DLG2: variants seen among roughly 807,000 people sequenced by gnomAD.
DLG2 encodes the protein disks large homolog 2.
Under a neutral mutation model 132.5 loss-of-function variants are expected in DLG2, and 45 were observed. The ratio of observed to expected loss-of-function variants is 0.34; its 90% CI spans 0.27 to 0.44. The LOEUF is 0.44. Among genes scored for constraint, DLG2 ranks in the 20% least tolerant of loss-of-function variants. The pLI is 1.00. For missense variants in DLG2, 1,045 were observed against 1,196.9 expected, an observed-to-expected ratio of 0.87 and a Z score of 1.87; for synonymous variants, 424 against 419.6, an observed-to-expected ratio of 1.01 and a Z score of -0.13.
At chr11:84,716,432 C>T (rs1377704346) in intron 6 of DLG2, among the ~76,000 whole-genome samples, 2 of 151,988 alleles carry the variant, frequency 1.3e-5, no homozygotes, top group Admixed American at 1.3e-4. Flanking sequence ...AAGGGAGACA[C>T]ACACACATGG....
chr11:84,475,717 A>G (rs567590344), intron 7 of DLG2, among the ~76,000 whole-genome samples: 1 of 152,242 alleles, frequency 6.6e-6, no homozygotes, highest in Admixed American at 6.5e-5. Flanking sequence ...TTGTATACAA[A>G]CAACTAGTGT....
chr11:84,200,694 A>G (rs1245138953), intron 8 of DLG2, among the ~76,000 whole-genome samples: 1 of 151,784 alleles, frequency 6.6e-6, no homozygotes, highest in Non-Finnish European at 1.5e-5. Context: ...TAGGTATTTT[A>G]TTCTTTTTGT....
chr11:83,770,116 G>C (rs1321773958), intron 18 of DLG2, among the ~76,000 whole-genome samples: 1 of 152,078 alleles, frequency 6.6e-6, no homozygotes, highest in Admixed American at 6.6e-5. Context: ...GGCTGTGTGG[G>C]TAAATGCTTT....
At chr11:85,015,988 A>G (rs2059546159) in intron 6 of DLG2, among the ~76,000 whole-genome samples, 1 of 152,130 alleles carries the variant, frequency 6.6e-6, no homozygotes, top group Admixed American at 6.6e-5. Context: ...AAAAGTCAAT[A>G]TTTGAAAACT....
chr11:84,998,011 T>G (rs1220416639), intron 6 of DLG2, among the ~76,000 whole-genome samples: 3 of 152,210 alleles, frequency 2.0e-5, no homozygotes, highest in Admixed American at 2.0e-4. Context: ...CTTTAAAATA[T>G]TAAAGATAAT....
At chr11:85,062,351 A>G (rs546827639) in intron 6 of DLG2, among the ~76,000 whole-genome samples, 171 of 151,928 alleles carry the variant, frequency 1.1e-3, no homozygotes, top group African/African-American at 4.1e-3. Flanking sequence ...ATATAAAAAT[A>G]TTTTATTTGT....
At chr11:84,379,954 A>G (rs1335282705) in intron 7 of DLG2, among the ~76,000 whole-genome samples, 1 of 152,074 alleles carries the variant, frequency 6.6e-6, no homozygotes, top group African/African-American at 2.4e-5. Flanking sequence ...TCAACCCAAA[A>G]GGAAAGGTAG....
At chr11:84,460,022 T>C (rs2099076096) in intron 7 of DLG2, among the ~76,000 whole-genome samples, 2 of 150,720 alleles carry the variant, frequency 1.3e-5, no homozygotes, top group African/African-American at 2.4e-5. Flanking sequence ...TTCTACACTA[T>C]GTCAAATAGT....
At chr11:84,170,333 T>C (rs552956898) in intron 8 of DLG2, among the ~76,000 whole-genome samples, 1 of 152,330 alleles carries the variant, frequency 6.6e-6, no homozygotes, top group South Asian at 2.1e-4. Context: ...TTAAATACAT[T>C]AATACTTAGT....
At chr11:83,558,097 G>T (rs1418692671) in intron 19 of DLG2, among the ~76,000 whole-genome samples, 1 of 152,166 alleles carries the variant, frequency 6.6e-6, no homozygotes, top group Admixed American at 6.5e-5. Flanking sequence ...GTAATTTCTT[G>T]ATAAAGTCAT....
chr11:84,941,838 T>C lies in DLG2; in HGVS notation c.357+169823A>G, dbSNP rs184234183. ...ACTGGTATCAATTCTTTTTCAAATATCTGGTAAAAATTTAGCAGTGAAGAC... is the reference window on the plus strand; with the variant it reads ...ACTGGTATCAATTCTTTTTCAAATACCTGGTAAAAATTTAGCAGTGAAGAC... On this transcript the variant is annotated intron_variant, in intron 6 of 27. Transcript: ENST00000376104. Among the ~76,000 whole-genome samples, 166 of 152,236 alleles carry C rather than the reference T, an allele frequency of 1.1e-3. 2 individuals carry two copies. The highest frequency in any genetic ancestry group is 3.9e-3 in the African/African-American group (163 of 41,566).
intron 4 of DLG2, among the ~76,000 whole-genome samples, chr11:85,188,011 T>C (rs560379607): frequency 9.9e-5 from 15 of 152,244 alleles, no homozygotes; most frequent in Non-Finnish European, 1.9e-4. Context: ...CTTAAAACTG[T>C]TCAGGAGAGA....
At chr11:84,728,197 G>A (rs537883953) in intron 6 of DLG2, among the ~76,000 whole-genome samples, 66 of 152,204 alleles carry the variant, frequency 4.3e-4, no homozygotes, top group African/African-American at 1.5e-3. Context: ...TCCAGTTTTT[G>A]CCCATTTAGT....
intron 6 of DLG2, among the ~76,000 whole-genome samples, chr11:84,810,840 A>G (rs999385934): frequency 2.0e-5 from 3 of 152,202 alleles, no homozygotes; most frequent in Non-Finnish European, 4.4e-5. Context: ...TCTCAAATGT[A>G]TGATGATTTC....
At position 83,946,199 on chromosome 11, in the gene DLG2, A is replaced by G. The variant is rs566053199; in HGVS notation, c.1341-15716T>C. On this transcript the variant is annotated intron_variant, in intron 14 of 27. Coordinates refer to ENST00000376104, the MANE Select transcript of DLG2 (RefSeq NM_001142699.3). ...GAGATGTGGCTTCACCATGTTGGCC[A>G]GGCTCGTCGAACTCCTGACCTCAGG... is the stretch of plus-strand genomic sequence containing the variant. Among the ~76,000 whole-genome samples the G allele has an allele frequency of 3.3e-5, 5 of 152,160 alleles. No homozygotes were observed. In the South Asian group the frequency reaches 1.0e-3, roughly 32 times the overall value.
chr11:84,820,630 T>C (rs1462629388), intron 6 of DLG2, among the ~76,000 whole-genome samples: 1 of 151,900 alleles, frequency 6.6e-6, no homozygotes, highest in Non-Finnish European at 1.5e-5. Flanking sequence ...TATTCTTTTA[T>C]GTCTCTGTCC....
intron 11 of DLG2, among the ~76,000 whole-genome samples, chr11:83,995,146 A>C (rs2093957524): frequency 6.6e-6 from 1 of 152,144 alleles, no homozygotes; most frequent in South Asian, 2.1e-4. Context: ...AATTCAACTC[A>C]TAATACTGGA....
chr11:84,808,362 A>G (rs537505317), intron 6 of DLG2, among the ~76,000 whole-genome samples: 2 of 152,220 alleles, frequency 1.3e-5, no homozygotes, highest in South Asian at 4.1e-4. Context: ...AAGGCATTAA[A>G]TGTATATATT....
chr11:84,245,007 C>A (rs1051294306), intron 8 of DLG2, among the ~76,000 whole-genome samples: 4 of 152,202 alleles, frequency 2.6e-5, no homozygotes, highest in Non-Finnish European at 5.9e-5. Context: ...GGTCACCTCA[C>A]TTCTGTAATA....
Sources: gnomAD v4.1 joint callset for allele counts (sites outside exome capture counted in the v4.1 genomes callset) on GRCh38, gnomAD v4.1.1 for gene constraint, MANE v1.5 for transcripts, NCBI Gene and HGNC (gene_info 2026-07-23, HGNC 2026-07-21) for gene names.